PPP1R37: variants seen among roughly 807,000 people sequenced by gnomAD.
The protein encoded by PPP1R37 is leucine rich repeat containing 68.
A neutral mutation model predicts 61.0 loss-of-function variants in PPP1R37; 21 were observed. The observed-to-expected ratio is 0.34, with a 90% CI of 0.24 to 0.50. The LOEUF (loss-of-function observed/expected upper bound fraction) is 0.50, where lower values mean the gene tolerates loss of function less well. Among genes scored for constraint, PPP1R37 ranks in the 20% least tolerant of loss-of-function variants. The pLI, the probability that PPP1R37 is intolerant of heterozygous loss-of-function variation, is 0.98. For missense variants in PPP1R37, 910 were observed against 952.7 expected (o/e 0.96, Z 0.59); for synonymous variants, 443 against 433.5 (o/e 1.02, Z -0.27).
intron 1 of PPP1R37, among the ~76,000 whole-genome samples, chr19:45,123,986 ACCTTCTCTGTGCCTGTCTTGGCC>A (rs1968371707): frequency 6.6e-6 from 1 of 151,960 alleles, no homozygotes; most frequent in South Asian, 2.1e-4. Context: ...CCGCTCACTC[ACCTTCTCTGTGCCTGTCTTGGCC>A]CCTTCTCTGT....
intron 1 of PPP1R37, among the ~76,000 whole-genome samples, 190 bp downstream of exon 1, chr19:45,093,717 C>G (rs1967954649): frequency 6.6e-6 from 1 of 152,162 alleles, no homozygotes; most frequent in South Asian, 2.1e-4. Context: ...TGAAAAGTAT[C>G]TGGTTTCTGC....
At chr19:45,107,877 T>G (rs1213614285) in intron 1 of PPP1R37, among the ~76,000 whole-genome samples, 1 of 152,246 alleles carries the variant, frequency 6.6e-6, no homozygotes. Context: ...AAAGCATGAT[T>G]TAAAGTACAT....
At chr19:45,119,899 C>T (rs908750834) in intron 1 of PPP1R37, among the ~76,000 whole-genome samples, 1 of 152,142 alleles carries the variant, frequency 6.6e-6, no homozygotes, top group Non-Finnish European at 1.5e-5. Context: ...CCAGGAAGCC[C>T]GGAGAAGGGC....
chr19:45,107,172 A>G (rs1017402981), intron 1 of PPP1R37, among the ~76,000 whole-genome samples: 9 of 151,304 alleles, frequency 5.9e-5, no homozygotes, highest in African/African-American at 2.2e-4. Flanking sequence ...CTTTGGAGAA[A>G]TGTCTTTTTA....
rs1477668676 is a variant in PPP1R37, at chr19:45,146,476, T to G, written c.*4T>G. ...ATCCGGGCAGGAGACACTGTGACAC[T>G]TTAGGTGAGGCCAGGCCCGGGGCCC... On this transcript the variant is annotated 3_prime_UTR_variant, in exon 12 of 13. Transcript: ENST00000221462. The G allele has an allele frequency of 1.3e-6, 2 of 1,534,656 alleles. No homozygotes were observed. The highest frequency in any genetic ancestry group is 1.7e-6 in the Non-Finnish European group (2 of 1,145,924).
chr19:45,142,860 G>A (rs574997619), intron 7 of PPP1R37: 16 of 212,372 alleles, frequency 7.5e-5, no homozygotes, highest in Non-Finnish European at 1.2e-4. Flanking sequence ...GCTTCCATCC[G>A]GAGGCTGGGA....
intron 1 of PPP1R37, among the ~76,000 whole-genome samples, chr19:45,118,643 G>A (rs998698100): frequency 6.6e-6 from 1 of 152,166 alleles, no homozygotes; most frequent in Non-Finnish European, 1.5e-5. Context: ...CCACAGTTAC[G>A]GACTTGTGCC....
In PPP1R37 at chr19:45,146,397, C is replaced by T. The variant is rs1311985300; in HGVS notation, c.2001C>T (p.Ser667=). 6.5e-7 allele frequency: 1 copy of T among 1,535,714 alleles called. No individual in the cohort carries two copies. Among genetic ancestry groups the T allele is most frequent in the African/African-American group, 1.4e-5 (1 of 73,046 alleles). ...GGSCGLEHEL[S]CSKNEKELEE... is the part of the protein sequence containing the mutation. Reference sequence around the variant, plus strand: ...GCCCGTCCTCCCACACAGAACTGAGCTGCTCCAAGAACGAGAAGGAGCTCG... The same window carrying T: ...GCCCGTCCTCCCACACAGAACTGAGTTGCTCCAAGAACGAGAAGGAGCTCG... Residue 667 remains serine, a synonymous_variant, in exon 12 of 13, where the codon AGC becomes AGT. Coordinates refer to ENST00000221462, the MANE Select transcript of PPP1R37 (RefSeq NM_019121.2).
At chr19:45,110,805 A>G (rs143165158) in intron 1 of PPP1R37, among the ~76,000 whole-genome samples, 51 of 152,300 alleles carry the variant, frequency 3.3e-4, no homozygotes, top group African/African-American at 1.2e-3. Context: ...CCTTTGCTGG[A>G]CCAGTAAACA....
At position 45,124,633 on chromosome 19, in the gene PPP1R37, T is replaced by G. The variant is rs545127552; in HGVS notation, c.203-13881T>G. On this transcript the variant is annotated intron_variant, in intron 1 of 12. Coordinates refer to ENST00000221462, the MANE Select transcript of PPP1R37 (RefSeq NM_019121.2). Reference sequence around the variant, plus strand: ...GCAGGGACCAGTTCAGAGCCATCCCTGTCTCCCCAGTGCCAGCACAGAGCT... The same window carrying G: ...GCAGGGACCAGTTCAGAGCCATCCCGGTCTCCCCAGTGCCAGCACAGAGCT... 2.0e-5 allele frequency among the ~76,000 whole-genome samples: 3 copies of G among 152,162 alleles called. No homozygotes were observed. The East Asian group carries it at 5.8e-4, about 29-fold the overall frequency.
intron 1 of PPP1R37, among the ~76,000 whole-genome samples, chr19:45,119,565 G>T (rs1288637865): frequency 1.3e-5 from 2 of 152,210 alleles, no homozygotes; most frequent in Non-Finnish European, 2.9e-5. Context: ...TGGCCAATCT[G>T]TTCCTGCCTA....
At chr19:45,120,552 A>T (rs553661638) in intron 1 of PPP1R37, among the ~76,000 whole-genome samples, 1 of 152,118 alleles carries the variant, frequency 6.6e-6, no homozygotes, top group Non-Finnish European at 1.5e-5. Flanking sequence ...CTGTCCTTAC[A>T]TGTATGATTT....
intron 1 of PPP1R37, among the ~76,000 whole-genome samples, chr19:45,127,746 G>T (rs1427636337): frequency 6.6e-6 from 1 of 152,132 alleles, no homozygotes; most frequent in African/African-American, 2.4e-5. Context: ...GGAGGCCGAG[G>T]TGGGTGGATC....
At chr19:45,117,833 T>C (rs1427434794) in intron 1 of PPP1R37, among the ~76,000 whole-genome samples, 11 of 152,178 alleles carry the variant, frequency 7.2e-5, no homozygotes, top group Admixed American at 7.2e-4. Flanking sequence ...GGAGGCTGGC[T>C]CCGTAAGCCA....
chr19:45,135,102 G>T (rs536237791), intron 1 of PPP1R37, among the ~76,000 whole-genome samples: 1 of 152,306 alleles, frequency 6.6e-6, no homozygotes, highest in South Asian at 2.1e-4. Flanking sequence ...GCAAAAATTA[G>T]CCAGGTGTGG....
chr19:45,114,992 G>T (rs1968246813), intron 1 of PPP1R37, among the ~76,000 whole-genome samples: 1 of 152,152 alleles, frequency 6.6e-6, no homozygotes, highest in Non-Finnish European at 1.5e-5. Context: ...CTTGTGTTCT[G>T]AGAGTGTTAT....
Position 45,146,207 on chromosome 19 carries a change from C to T in PPP1R37, c.1993+158C>T, listed in dbSNP as rs1968697574. On this transcript the variant is annotated intron_variant, in intron 11 of 12. Transcript: ENST00000221462. Reference sequence around the variant, plus strand: ...TTAGTTCTCATCTCCACCCTGCTTCCCTTGGGTCCTGGGAGCTCTTCCTGG... The same window carrying T: ...TTAGTTCTCATCTCCACCCTGCTTCTCTTGGGTCCTGGGAGCTCTTCCTGG... The T allele has an allele frequency of 7.2e-6, 7 of 968,352 alleles. No individual in the cohort carries two copies. The South Asian group carries it at 1.2e-4, about 17-fold the overall frequency. The allele number at this position is 968,352 out of a possible 1,614,324, so 60.0% of individuals were successfully genotyped here.
At chr19:45,097,647 G>A (rs549876441) in intron 1 of PPP1R37, among the ~76,000 whole-genome samples, 12 of 152,130 alleles carry the variant, frequency 7.9e-5, no homozygotes, top group African/African-American at 2.7e-4. Flanking sequence ...AGGCTTATCC[G>A]GATTCCCATC....
At chr19:45,119,114 G>A (rs1007004002) in intron 1 of PPP1R37, among the ~76,000 whole-genome samples, 7 of 151,630 alleles carry the variant, frequency 4.6e-5, no homozygotes, top group African/African-American at 9.7e-5. Flanking sequence ...CCAGCCTCCC[G>A]AGTAGCTGGG....
Sources: gnomAD v4.1 joint callset for allele counts (sites outside exome capture counted in the v4.1 genomes callset) on GRCh38, gnomAD v4.1.1 for gene constraint, MANE v1.5 for transcripts, NCBI Gene and HGNC (gene_info 2026-07-23, HGNC 2026-07-21) for gene names.